The following CCPG1 variants were observed in gnomAD, a reference collection of about 807,000 sequenced individuals.
CCPG1 encodes the protein cell cycle progression 1, also known as cell cycle progression protein 1.
In CCPG1, 46 loss-of-function variants were observed where a neutral mutation model predicts 81.3. The ratio of observed to expected loss-of-function variants is 0.57; its 90% confidence interval spans 0.45 to 0.72. The LOEUF (loss-of-function observed/expected upper bound fraction) is 0.72, where lower values mean the gene tolerates loss of function less well. CCPG1 is among the 30% of genes least tolerant of loss of function. The probability of loss-of-function intolerance (pLI) is 0.00; values close to 1 mark genes in which losing one functional copy is unlikely to be tolerated. For missense variants in CCPG1, 902 were observed against 937.6 expected, an observed-to-expected ratio of 0.96 and a Z score of 0.50; for synonymous variants, 330 against 305.2, an observed-to-expected ratio of 1.08 and a Z score of -0.85.
chr15:55,356,784 A>G, intron 8 of CCPG1: 1 of 997,156 alleles, frequency 1.0e-6, no homozygotes, highest in Non-Finnish European at 1.2e-6. Context: ...TCACAAACAA[A>G]GCAAAACAAA....
Position 55,382,541 on chromosome 15 carries a change from G to T in CCPG1, c.175+3059C>A, listed in dbSNP as rs1317115067. Among the ~76,000 whole-genome samples the T allele has an allele frequency of 3.5e-5, 5 of 142,972 alleles. 1 individual carries two copies. The highest frequency in any genetic ancestry group is 2.9e-4 in the Admixed American group (4 of 13,910). 93.8% of individuals were successfully genotyped at this position (142,972 alleles called of 152,430 possible). On this transcript the variant is annotated intron_variant, in intron 3 of 8. Transcript: ENST00000442196. ...TTTTTTTTTTTTGAGACAGAGTCTC[G>T]CTCTGTTGCCCAGGCTAGAGTGCAG...
intron 5 of CCPG1, among the ~76,000 whole-genome samples, chr15:55,375,931 C>T (rs1392805752): frequency 6.6e-6 from 1 of 152,136 alleles, no homozygotes; most frequent in Non-Finnish European, 1.5e-5. Flanking sequence ...TTCAGGTAAT[C>T]CACCTGCCTC....
chr15:55,380,111 A>AAG (rs1206817456), intron 3 of CCPG1, among the ~76,000 whole-genome samples: 1 of 151,524 alleles, frequency 6.6e-6, no homozygotes, highest in African/African-American at 2.4e-5. Context: ...AAAAAAAAAA[A>AAG]AAAAGAAAAG....
chr15:55,365,868 G>C (rs1020652109), intron 6 of CCPG1, among the ~76,000 whole-genome samples: 6 of 151,538 alleles, frequency 4.0e-5, no homozygotes, highest in Non-Finnish European at 8.8e-5. Flanking sequence ...AAGGCAGGTA[G>C]ATCATTTGAG....
chr15:55,376,214 G>A (rs896683891), intron 5 of CCPG1, among the ~76,000 whole-genome samples: 2 of 152,134 alleles, frequency 1.3e-5, no homozygotes, highest in African/African-American at 4.8e-5. Flanking sequence ...TTATAATTGT[G>A]GCTTAATAAC....
intron 1 of CCPG1, among the ~76,000 whole-genome samples, chr15:55,395,593 C>G (rs925587022): frequency 3.3e-5 from 5 of 151,996 alleles, no homozygotes; most frequent in African/African-American, 1.2e-4. Context: ...GATCAGTTGC[C>G]CATCCCCTTT....
At chr15:55,366,547 G>A (rs2056331555) in intron 6 of CCPG1, among the ~76,000 whole-genome samples, 1 of 152,038 alleles carries the variant, frequency 6.6e-6, no homozygotes, top group African/African-American at 2.4e-5. Flanking sequence ...CAAAGCAGAT[G>A]GATCACCTGA....
At position 55,355,511 on chromosome 15, in the gene CCPG1, T is replaced by G. The variant is rs2056060699; in HGVS notation, c.*709A>C. On this transcript the variant is annotated 3_prime_UTR_variant, in exon 9 of 9. Coordinates refer to ENST00000442196, the MANE Select transcript of CCPG1 (RefSeq NM_001204450.2). ...ATACTTCGGTAAACACTGGGTAAGA[T>G]TCATGGAACTTAGAAAAAAGCTGTA... is the stretch of plus-strand genomic sequence containing the variant. 1 of 1,167,484 alleles carries G rather than the reference T, an allele frequency of 8.6e-7. No individual in the cohort carries two copies. Among genetic ancestry groups the G allele is most frequent in the Non-Finnish European group, 1.2e-6 (1 of 824,374 alleles). 72.3% of individuals were successfully genotyped at this position (1,167,484 alleles called of 1,614,324 possible). A position where few individuals can be genotyped will look rare whatever the true frequency, so the allele number is the denominator to read the frequency against.
intron 8 of CCPG1, chr15:55,357,495 T>C: frequency 1.1e-6 from 1 of 922,648 alleles, no homozygotes; most frequent in Non-Finnish European, 1.3e-6. Flanking sequence ...GTGATTGAGG[T>C]TTCCGTTACC....
chr15:55,400,480 C>A (rs2057108203), intron 1 of CCPG1, among the ~76,000 whole-genome samples: 1 of 152,006 alleles, frequency 6.6e-6, no homozygotes, highest in African/African-American at 2.4e-5. Context: ...TGCACTAAGG[C>A]CTGGGTTACA....
chr15:55,379,041 A>T (rs929976169), intron 3 of CCPG1, among the ~76,000 whole-genome samples: 4 of 151,744 alleles, frequency 2.6e-5, no homozygotes, highest in African/African-American at 9.7e-5. Context: ...CATTTCCTGA[A>T]TTCTTAAAAG....
At chr15:55,387,968 A>G (rs933350082) in intron 2 of CCPG1, among the ~76,000 whole-genome samples, 5 of 150,978 alleles carry the variant, frequency 3.3e-5, no homozygotes, top group African/African-American at 4.8e-5. Flanking sequence ...CCTGACCAAC[A>G]TGGAGAAACC....
intron 6 of CCPG1, 99 bp from the exon 7 acceptor site, chr15:55,365,408 G>GT: frequency 1.6e-6 from 1 of 620,310 alleles, no homozygotes. Context: ...AAGCTATGTA[G>GT]TCTTTTTTTT....
intron 2 of CCPG1, among the ~76,000 whole-genome samples, chr15:55,387,545 A>T (rs1172598921): frequency 1.3e-5 from 2 of 150,034 alleles, no homozygotes; most frequent in African/African-American, 4.9e-5. Flanking sequence ...AAATTTTTTA[A>T]TTTTTTTTTT....
In CCPG1 at chr15:55,359,906, G is replaced by A. The variant is rs375288181; in HGVS notation, c.1867C>T (p.His623Tyr). 10 of 1,613,730 alleles carry A rather than the reference G, an allele frequency of 6.2e-6. No homozygotes were observed. The highest frequency in any genetic ancestry group is 1.7e-5 in the Admixed American group (1 of 60,028). ...CCAGAACAAGCCTTTCTGAAAGAATGAGAATTTTCTCTACAATCATGCCCA... is the reference window on the plus strand; with the variant it reads ...CCAGAACAAGCCTTTCTGAAAGAATAAGAATTTTCTCTACAATCATGCCCA... ...SPGHDCRENS[H>Y]SFRKACSGVF... Residue 623 changes from histidine (H) to tyrosine (Y), a missense_variant, in exon 8 of 9, where the codon CAT becomes TAT. Transcript: ENST00000442196.
intron 6 of CCPG1, among the ~76,000 whole-genome samples, chr15:55,370,854 C>T (rs1015271300): frequency 8.2e-5 from 10 of 121,904 alleles, no homozygotes; most frequent in South Asian, 7.5e-4. Context: ...CCAGCCTGGG[C>T]GACAGAGTGA....
intron 5 of CCPG1, 132 bp from the exon 6 acceptor site, chr15:55,372,176 C>G: frequency 1.2e-6 from 1 of 804,310 alleles, no homozygotes; most frequent in Non-Finnish European, 1.9e-6. Context: ...AAAAACCAAA[C>G]AACATAAACA....
In CCPG1 at chr15:55,371,989, CT is replaced by C; in HGVS notation, c.509del (p.Gln170ArgfsTer25). The stretch of plus-strand genomic sequence containing the variant: ...GGCGTCGTCTAAAGGCAGGACTGGG[CT>C]GATTACTGGTTTCATCACTACTTGA... ...DESSSDETSN[Q>X]PSPAFRRRRA... On this transcript the variant is annotated frameshift_variant, in exon 6 of 9. Coordinates refer to ENST00000442196, the MANE Select transcript of CCPG1 (RefSeq NM_001204450.2). LOFTEE classifies it high-confidence loss of function. 3.7e-6 allele frequency: 6 copies of C among 1,614,006 alleles called. No homozygotes were observed. The highest frequency in any genetic ancestry group is 5.1e-6 in the Non-Finnish European group (6 of 1,179,858).
At position 55,356,215 on chromosome 15, in the gene CCPG1, G is replaced by T; in HGVS notation, c.*5C>A. Reference sequence around the variant, plus strand: ...TACAGTTGTCTAATTTAACTCAATTGTGAATCAGTATTGAGGATCAAAAGG... The same window carrying T: ...TACAGTTGTCTAATTTAACTCAATTTTGAATCAGTATTGAGGATCAAAAGG... On this transcript the variant is annotated 3_prime_UTR_variant, in exon 9 of 9. Transcript: ENST00000442196. 6.6e-7 allele frequency: 1 copy of T among 1,523,718 alleles called. No homozygotes were observed. The highest frequency in any genetic ancestry group is 8.7e-7 in the Non-Finnish European group (1 of 1,143,192). The allele number at this position is 1,523,718 out of a possible 1,614,324, so 94.4% of individuals were successfully genotyped here.
Sources: allele counts gnomAD v4.1 joint callset (sites outside exome capture counted in the v4.1 genomes callset), GRCh38; gene constraint gnomAD v4.1.1; transcripts MANE v1.5; gene names NCBI Gene and HGNC (gene_info 2026-07-23, HGNC 2026-07-21).